Variants in NFIX observed in about 807,000 individuals in gnomAD.
The protein encoded by NFIX is nuclear factor 1 X-type.
Under a neutral mutation model 53.3 loss-of-function variants are expected in NFIX, and 2 were observed. That is an observed-to-expected ratio of 0.04 (90% CI 0.02 to 0.12). NFIX has a LOEUF of 0.12. NFIX is among the 10% of genes least tolerant of loss of function. NFIX has a pLI of 1.00. For synonymous variants in NFIX, 244 were observed against 289.0 expected (o/e 0.84, Z 1.58); for missense variants, 310 against 674.5 (o/e 0.46, Z 5.99).
At position 13,009,989 on chromosome 19, in the gene NFIX, C is replaced by T. The variant is rs1030847011; in HGVS notation, c.27+14125C>T. ...GTGGCCCACCTTGGGCCCGGGGGGG[C>T]CTCCAGGAGCCCCCTGGCCCAGGCA... On this transcript the variant is annotated intron_variant, in intron 1 of 10. Transcript: ENST00000592199. The surrounding 1 kb of genome is among the most constrained non-coding windows in gnomAD (Gnocchi z 4.7). Among the ~76,000 whole-genome samples the T allele has an allele frequency of 6.6e-6, 1 of 152,180 alleles. No homozygotes were observed. The highest frequency in any genetic ancestry group is 2.4e-5 in the African/African-American group (1 of 41,452).
In NFIX at chr19:13,040,691, G is replaced by A. The variant is rs940069422; in HGVS notation, c.559+15139G>A. ...AGCTGGTACATGTGCTTGCGGCTCT[G>A]GTAGCTGGGTTTGGTTATTAACAAT... On this transcript the variant is annotated intron_variant, in intron 2 of 10. Coordinates refer to ENST00000592199, the MANE Select transcript of NFIX (RefSeq NM_001365902.3). This position sits in a 1 kb window ranked among gnomAD's most constrained non-coding sequence, Gnocchi z 4.2. 6.6e-6 allele frequency among the ~76,000 whole-genome samples: 1 copy of A among 152,148 alleles called. No individual in the cohort carries two copies. Among genetic ancestry groups the A allele is most frequent in the African/African-American group, 2.4e-5 (1 of 41,428 alleles).
At chr19:13,082,089 C>G (rs1043023735) in intron 8 of NFIX, 2 of 555,024 alleles carry the variant, frequency 3.6e-6, no homozygotes, top group East Asian at 5.9e-5. Context: ...TCTGGGCCCC[C>G]TTGCTCAGTC....
rs574495557 is a variant in NFIX, at chr19:13,006,860, G to A, written c.27+10996G>A. Among the ~76,000 whole-genome samples the A allele has an allele frequency of 1.6e-4, 25 of 152,282 alleles. 1 individual carries two copies. In the South Asian group the frequency reaches 3.7e-3, roughly 23 times the overall value. ...CCAGCCTGGTGGCATTTGGTTTGGC[G>A]CCCTGCCTGCCTGCCACCCCCACCC... On this transcript the variant is annotated intron_variant, in intron 1 of 10. Transcript: ENST00000592199. The surrounding 1 kb of genome is among the most constrained non-coding windows in gnomAD (Gnocchi z 5.6).
rs2018072954 is a variant in NFIX, at chr19:13,090,574, A to G, written c.1494+184A>G. 1.3e-5 allele frequency among the ~76,000 whole-genome samples: 2 copies of G among 152,174 alleles called. No homozygotes were observed. The highest frequency in any genetic ancestry group is 4.1e-4 in the South Asian group (2 of 4,836). On this transcript the variant is annotated intron_variant, in intron 10 of 10. Transcript: ENST00000592199. This position sits in a 1 kb window ranked among gnomAD's most constrained non-coding sequence, Gnocchi z 6.6. The stretch of plus-strand genomic sequence containing the variant: ...GAGCCTGTCTCCCCAGGCAGCCCCC[A>G]GGCTCCCTGGCTAATCAGCTAATTG...
In NFIX at chr19:13,028,421, G is replaced by A. The variant is rs1023377917; in HGVS notation, c.559+2869G>A. Among the ~76,000 whole-genome samples, 1 of 152,202 alleles carries A rather than the reference G, an allele frequency of 6.6e-6. No homozygotes were observed. Among genetic ancestry groups the A allele is most frequent in the Non-Finnish European group, 1.5e-5 (1 of 68,038 alleles). On this transcript the variant is annotated intron_variant, in intron 2 of 10. Coordinates refer to ENST00000592199, the MANE Select transcript of NFIX (RefSeq NM_001365902.3). This position sits in a 1 kb window ranked among gnomAD's most constrained non-coding sequence, Gnocchi z 4.2. The stretch of plus-strand genomic sequence containing the variant: ...ACGGTGATGTGGTGGTAAATGTGGG[G>A]GTGTGGCTTTGCTCCCAGGTGCCAT...
rs554013083 is a variant in NFIX at position 13,051,823 on chromosome 19, C to G, written c.560-21224C>G. 1.3e-5 allele frequency among the ~76,000 whole-genome samples: 2 copies of G among 152,232 alleles called. No individual in the cohort carries two copies. Among genetic ancestry groups the G allele is most frequent in the Non-Finnish European group, 2.9e-5 (2 of 68,034 alleles). ...CCCCAGGGGTTAAAGAAACACAACC[C>G]GCCGCTGCCGCCTTAGCAGGTGCCT... On this transcript the variant is annotated intron_variant, in intron 2 of 10. Transcript: ENST00000592199. This position sits in a 1 kb window ranked among gnomAD's most constrained non-coding sequence, Gnocchi z 5.1.
chr19:13,025,462 T>G lies in NFIX; in HGVS notation c.469T>G (p.Ser157Ala), dbSNP rs1182153664. 2 of 1,614,030 alleles carry G rather than the reference T, an allele frequency of 1.2e-6. No individual in the cohort carries two copies. Among genetic ancestry groups the G allele is most frequent in the East Asian group, 4.5e-5 (2 of 44,886 alleles). Residue 157 changes from serine to alanine, a missense_variant, in exon 2 of 11, where the codon TCG becomes GCG. By Grantham distance (99) the Ser-to-Ala change is moderately conservative. Transcript: ENST00000592199. This position sits in a 1 kb window ranked among gnomAD's most constrained non-coding sequence, Gnocchi z 7.5. ...GERLYKSPQC[S>A]NPGLCVQPHH... ...GCGGCTCTACAAGTCGCCTCAGTGCTCGAACCCCGGCCTGTGCGTCCAGCC... is the reference window on the plus strand; with the variant it reads ...GCGGCTCTACAAGTCGCCTCAGTGCGCGAACCCCGGCCTGTGCGTCCAGCC...
rs1049327584 is a variant in NFIX at position 13,043,768 on chromosome 19, G to C, written c.559+18216G>C. On this transcript the variant is annotated intron_variant, in intron 2 of 10. Coordinates refer to ENST00000592199, the MANE Select transcript of NFIX (RefSeq NM_001365902.3). This position sits in a 1 kb window ranked among gnomAD's most constrained non-coding sequence, Gnocchi z 4.0. ...AAGTGAGCATGCTCTCATCAGACTT[G>C]GTCCCCACTGCCATGGCACTCTTAT... 6.6e-6 allele frequency among the ~76,000 whole-genome samples: 1 copy of C among 152,136 alleles called. No homozygotes were observed.
In NFIX at chr19:13,025,066, G is replaced by A; in HGVS notation, c.73G>A (p.Ala25Thr). The stretch of plus-strand genomic sequence containing the variant: ...CGAGGCACTGCTGCCTCACGTCCGC[G>A]CTTTCTCCTACACCTGGTTCAACCT... ...FIEALLPHVR[A>T]FSYTWFNLQA... Residue 25 changes from alanine (A) to threonine (T), a missense_variant, in exon 2 of 11, where the codon GCT becomes ACT. This residue lies in a region of NFIX where 64 missense variants were observed against 144.5 expected (regional missense o/e 0.44). Coordinates refer to ENST00000592199, the MANE Select transcript of NFIX (RefSeq NM_001365902.3). This position sits in a 1 kb window ranked among gnomAD's most constrained non-coding sequence, Gnocchi z 7.5. The A allele has an allele frequency of 6.2e-7, 1 of 1,614,032 alleles. No individual in the cohort carries two copies. Among genetic ancestry groups the A allele is most frequent in the Non-Finnish European group, 8.5e-7 (1 of 1,179,942 alleles).
Position 13,081,990 on chromosome 19 carries a change from C to T in NFIX, c.1254+135C>T. ...TGGAGCAGCAGGGAGCTGGTAGTAC[C>T]AAACGCCTCGATTTTCTGGGTCTGG... On this transcript the variant is annotated intron_variant, in intron 8 of 10. Coordinates refer to ENST00000592199, the MANE Select transcript of NFIX (RefSeq NM_001365902.3). The surrounding 1 kb of genome is among the most constrained non-coding windows in gnomAD (Gnocchi z 4.7). 1 of 978,488 alleles carries T rather than the reference C, an allele frequency of 1.0e-6. No homozygotes were observed. Among genetic ancestry groups the T allele is most frequent in the Non-Finnish European group, 1.5e-6 (1 of 667,118 alleles). The allele number at this position is 978,488 out of a possible 1,614,324, so 60.6% of individuals were successfully genotyped here. A position where few individuals can be genotyped will look rare whatever the true frequency, so the allele number is the denominator to read the frequency against.
Position 13,074,045 on chromosome 19 carries a change from C to T in NFIX, c.818+19C>T, listed in dbSNP as rs1226183945. 1.9e-6 allele frequency: 3 copies of T among 1,613,560 alleles called. No homozygotes were observed. The highest frequency in any genetic ancestry group is 2.5e-6 in the Non-Finnish European group (3 of 1,179,514). On this transcript the variant is annotated intron_variant, in intron 5 of 10. Transcript: ENST00000592199. ...CCACCAGGTAAGCCCAGTGGCCCTG[C>T]CTTTCCATCTTCTCTCCACTCCCCC...
In NFIX at chr19:13,073,457, G is replaced by A. The variant is rs2016888249; in HGVS notation, c.658G>A (p.Gly220Arg). ...LSFQDCFVTS[G>R]VWNVTELVRV... ...TTTCCAGGACTGTTTTGTGACTTCC[G>A]GGGTCTGGAATGTGACGGAGCTGGT... Residue 220 changes from glycine (G) to arginine (R), a missense_variant, in exon 4 of 11, where the codon GGG (glycine) becomes AGG (arginine). Around this residue, in one of 5 missense-constraint regions of NFIX, gnomAD observed 164 missense variants for 284.4 expected, o/e 0.58. Transcript: ENST00000592199. This position sits in a 1 kb window ranked among gnomAD's most constrained non-coding sequence, Gnocchi z 4.5. 1 of 1,613,976 alleles carries A rather than the reference G, an allele frequency of 6.2e-7. No individual in the cohort carries two copies. The highest frequency in any genetic ancestry group is 8.5e-7 in the Non-Finnish European group (1 of 1,179,876).
intron 2 of NFIX, among the ~76,000 whole-genome samples, chr19:13,044,283 A>C (rs548710219): frequency 6.6e-6 from 1 of 152,322 alleles, no homozygotes. Flanking sequence ...AGTGTGGGCC[A>C]TCCAGTGTCT....
In NFIX at chr19:13,009,393, G is replaced by C. The variant is rs1342566270; in HGVS notation, c.27+13529G>C. On this transcript the variant is annotated intron_variant, in intron 1 of 10. Transcript: ENST00000592199. This position sits in a 1 kb window ranked among gnomAD's most constrained non-coding sequence, Gnocchi z 4.7. The stretch of plus-strand genomic sequence containing the variant: ...GGTATGAGTAACCTGTTTTACAGAT[G>C]AGGAAACAGAGGCCGCAAGGTCAAG... 6.6e-6 allele frequency among the ~76,000 whole-genome samples: 1 copy of C among 152,222 alleles called. No individual in the cohort carries two copies. The highest frequency in any genetic ancestry group is 1.5e-5 in the Non-Finnish European group (1 of 68,042).
At chr19:12,999,908 G>T (rs1253057521) in intron 1 of NFIX, among the ~76,000 whole-genome samples, 2 of 152,226 alleles carry the variant, frequency 1.3e-5, no homozygotes, top group African/African-American at 2.4e-5. Flanking sequence ...CCTGATTCAT[G>T]CCCACTGCTG....
chr19:13,000,167 A>C (rs973258354), intron 1 of NFIX, among the ~76,000 whole-genome samples: 4 of 152,164 alleles, frequency 2.6e-5, no homozygotes, highest in Admixed American at 1.3e-4. Context: ...CCAGCTCTAC[A>C]TGTTCTAATC....
chr19:13,032,517 T>C (rs1040004619), intron 2 of NFIX, among the ~76,000 whole-genome samples: 11 of 152,220 alleles, frequency 7.2e-5, no homozygotes, highest in Non-Finnish European at 1.5e-4. Context: ...ACTTTGACTT[T>C]GTTATTTTTC....
At chr19:13,054,215 T>A in intron 2 of NFIX, among the ~76,000 whole-genome samples, 1 of 151,910 alleles carries the variant, frequency 6.6e-6, no homozygotes, top group South Asian at 2.1e-4. Flanking sequence ...CGGTGGGGGT[T>A]GGGGGACAAG....
intron 1 of NFIX, among the ~76,000 whole-genome samples, chr19:13,007,584 C>G (rs371646438): frequency 3.9e-5 from 6 of 152,168 alleles, no homozygotes; most frequent in Admixed American, 2.0e-4. Context: ...TAAGTTCCCC[C>G]CAAGGTTCCA....
Sources: allele counts gnomAD v4.1 joint callset (sites outside exome capture counted in the v4.1 genomes callset), GRCh38; gene constraint gnomAD v4.1.1; regional missense constraint gnomAD v4.1.1; non-coding constraint Gnocchi (gnomAD v3.1); transcripts MANE v1.5; gene names NCBI Gene and HGNC (gene_info 2026-07-23, HGNC 2026-07-21).